LIG1: variants seen among roughly 807,000 people sequenced by gnomAD.
The protein encoded by LIG1 is DNA ligase 1, also known as ligase I, DNA, ATP-dependent.
In LIG1, 70 loss-of-function variants were observed where a neutral mutation model predicts 115.7. The ratio of observed to expected loss-of-function variants is 0.60; its 90% confidence interval spans 0.50 to 0.74. The LOEUF (loss-of-function observed/expected upper bound fraction) is 0.74, where lower values mean the gene tolerates loss of function less well. Ranked by LOEUF, LIG1 falls within the 30% of genes least tolerant of loss-of-function variation. The pLI is 0.00. For missense variants in LIG1, 1,115 were observed against 1,225.6 expected (o/e 0.91, Z 1.35); for synonymous variants, 487 against 495.3 (o/e 0.98, Z 0.22).
At position 48,143,978 on chromosome 19, in the gene LIG1, C is replaced by T. The variant is rs541699132; in HGVS notation, c.777-15G>A. The T allele has an allele frequency of 1.1e-5, 17 of 1,599,964 alleles. No individual in the cohort carries two copies. The highest frequency in any genetic ancestry group is 4.5e-5 in the East Asian group (2 of 44,794). On this transcript the variant is annotated splice_polypyrimidine_tract_variant and intron_variant, in intron 9 of 27. Coordinates refer to ENST00000263274, the MANE Select transcript of LIG1 (RefSeq NM_000234.3). ...GATCCAGGGGTCTACGGAGGCAAAACGGAGATTGAATTGCATAGAGCCCTG... is the reference window on the plus strand; with the variant it reads ...GATCCAGGGGTCTACGGAGGCAAAATGGAGATTGAATTGCATAGAGCCCTG...
chr19:48,136,420 G>A (rs149971615), intron 14 of LIG1, among the ~76,000 whole-genome samples: 1 of 152,312 alleles, frequency 6.6e-6, no homozygotes, highest in African/African-American at 2.4e-5. Context: ...TGAGGAGGAT[G>A]AGTCAGGGAG....
At chr19:48,143,047 C>T (rs767105434) in intron 11 of LIG1, among the ~76,000 whole-genome samples, 34 of 152,084 alleles carry the variant, frequency 2.2e-4, no homozygotes, top group Non-Finnish European at 4.0e-4. Flanking sequence ...CTGGCAGGGA[C>T]CAGCGATGCT....
chr19:48,144,710 G>A (rs1033027799), intron 9 of LIG1, among the ~76,000 whole-genome samples: 2 of 152,104 alleles, frequency 1.3e-5, no homozygotes, highest in Non-Finnish European at 2.9e-5. Context: ...CACCATGTTC[G>A]CTAGGCTGAT....
chr19:48,134,258 C>T (rs1303990351), intron 16 of LIG1, among the ~76,000 whole-genome samples, 192 bp from the exon 17 acceptor site: 3 of 152,324 alleles, frequency 2.0e-5, no homozygotes, highest in Middle Eastern at 3.4e-3. Flanking sequence ...GCTTTGTCTC[C>T]CTTAGTCTGG....
chr19:48,136,155 C>T, intron 14 of LIG1, 30 bp from the exon 15 acceptor site: 2 of 1,504,530 alleles, frequency 1.3e-6, no homozygotes, highest in Non-Finnish European at 1.8e-6. Flanking sequence ...GGGAAGGGGG[C>T]TTGTCTGCAC....
chr19:48,128,231 G>A (rs1198806545), intron 19 of LIG1, among the ~76,000 whole-genome samples: 4 of 151,892 alleles, frequency 2.6e-5, no homozygotes, highest in Non-Finnish European at 5.9e-5. Flanking sequence ...CTCACAAGCT[G>A]GAAACCTAGG....
At chr19:48,170,137 C>A in intron 1 of LIG1, 104 bp downstream of exon 1, 1 of 443,618 alleles carries the variant, frequency 2.3e-6, no homozygotes, top group Non-Finnish European at 4.5e-6. Context: ...CGTCCCCACG[C>A]CCACTCCTCT....
At chr19:48,148,491 A>AC (rs1231440744) in intron 9 of LIG1, among the ~76,000 whole-genome samples, 1 of 147,052 alleles carries the variant, frequency 6.8e-6, no homozygotes, top group Non-Finnish European at 1.5e-5. Flanking sequence ...AAAAAAAAAA[A>AC]GCAGGGAGGA....
chr19:48,117,799 A>G lies in LIG1; in HGVS notation c.2440-18T>C, dbSNP rs2032966903. ...ACCAGCGCCTGCAGTGAGCAGAGGAAGAGAGGAACAGAGGGTCTGGAATCT... is the reference window on the plus strand; with the variant it reads ...ACCAGCGCCTGCAGTGAGCAGAGGAGGAGAGGAACAGAGGGTCTGGAATCT... On this transcript the variant is annotated intron_variant, in intron 25 of 27. Coordinates refer to ENST00000263274, the MANE Select transcript of LIG1 (RefSeq NM_000234.3). 6.2e-7 allele frequency: 1 copy of G among 1,610,534 alleles called. No individual in the cohort carries two copies. The highest frequency in any genetic ancestry group is 2.2e-5 in the East Asian group (1 of 44,754).
intron 24 of LIG1, chr19:48,120,842 C>A: frequency 2.5e-6 from 2 of 789,946 alleles, no homozygotes; most frequent in Non-Finnish European, 3.2e-6. Context: ...AGAGGAGGAA[C>A]CTGAATCCCT....
In LIG1 at chr19:48,115,663, C is replaced by T. The variant is rs1162150385; in HGVS notation, c.2746G>A (p.Glu916Lys). 6.2e-7 allele frequency: 1 copy of T among 1,613,838 alleles called. No homozygotes were observed. Among genetic ancestry groups the T allele is most frequent in the African/African-American group, 1.3e-5 (1 of 75,060 alleles). Residue 916 changes from glutamate to lysine, a missense_variant, in exon 28 of 28, where the codon GAA becomes AAA. Glu to Lys is a moderately conservative substitution (Grantham distance 56, BLOSUM62 1). Coordinates refer to ENST00000263274, the MANE Select transcript of LIG1 (RefSeq NM_000234.3). Reference protein sequence around the residue: ...QQGEDSGSDPEDTY With the variant: ...QQGEDSGSDPKDTY ...AGGGCGAGGGCTTAGTAGGTATCTT[C>T]AGGGTCAGAGCCTGAGTCCTCGCCT...
intron 4 of LIG1, 59 bp from the exon 5 acceptor site, chr19:48,157,199 A>G (rs2035906931): frequency 1.9e-6 from 3 of 1,553,180 alleles, no homozygotes; most frequent in African/African-American, 1.4e-5. Context: ...CCATTTTCCA[A>G]AAGTTGAGAG....
At chr19:48,135,478 C>G (rs1180631596) in intron 16 of LIG1, among the ~76,000 whole-genome samples, 2 of 152,168 alleles carry the variant, frequency 1.3e-5, no homozygotes, top group African/African-American at 4.8e-5. Flanking sequence ...CTGTTTGCCA[C>G]CTTCCTGATC....
intron 21 of LIG1, among the ~76,000 whole-genome samples, chr19:48,124,437 C>T (rs188611025): frequency 1.3e-5 from 2 of 152,264 alleles, no homozygotes; most frequent in Admixed American, 1.3e-4. Flanking sequence ...ACTCAGGGCA[C>T]GTCTGGGAAG....
At chr19:48,156,644 G>A (rs1443135647) in intron 5 of LIG1, among the ~76,000 whole-genome samples, 1 of 152,146 alleles carries the variant, frequency 6.6e-6, no homozygotes, top group East Asian at 1.9e-4. Context: ...TCCAAGTGGG[G>A]AGAAAGGCAG....
intron 9 of LIG1, chr19:48,147,130 CGTT>C (rs1177463538): frequency 6.6e-6 from 1 of 152,146 alleles, no homozygotes; most frequent in Non-Finnish European, 1.5e-5. Context: ...AATTTCTTGT[CGTT>C]ATCTGTTTCA....
chr19:48,150,854 C>T lies in LIG1; in HGVS notation c.574+378G>A, dbSNP rs572146414. Among the ~76,000 whole-genome samples, 33 of 151,996 alleles carry T rather than the reference C, an allele frequency of 2.2e-4. No homozygotes were observed. The East Asian group carries it at 4.5e-3, about 21-fold the overall frequency. ...CTGGAACTACAGGTACGTGCCACCA[C>T]ACCCAGGTCATTTTTGTATTTTTTT... On this transcript the variant is annotated intron_variant, in intron 7 of 27. Coordinates refer to ENST00000263274, the MANE Select transcript of LIG1 (RefSeq NM_000234.3).
At chr19:48,157,766 C>T (rs1214261996) in intron 4 of LIG1, among the ~76,000 whole-genome samples, 2 of 152,108 alleles carry the variant, frequency 1.3e-5, no homozygotes, top group South Asian at 2.1e-4. Context: ...AGGCTGGTCT[C>T]GAACTCCTGA....
At chr19:48,127,401 T>C in intron 20 of LIG1, 53 bp from the exon 21 acceptor site, 1 of 1,504,442 alleles carries the variant, frequency 6.6e-7, no homozygotes. Context: ...GACGGGGCAC[T>C]GTGCCTGAGG....
Sources: allele counts gnomAD v4.1 joint callset (sites outside exome capture counted in the v4.1 genomes callset), GRCh38; gene constraint gnomAD v4.1.1; transcripts MANE v1.5; gene names NCBI Gene and HGNC (gene_info 2026-07-23, HGNC 2026-07-21).